Variants in DSCAM observed in about 807,000 individuals in gnomAD.
The protein encoded by DSCAM is DS cell adhesion molecule, also known as cell adhesion molecule DSCAM.
A neutral mutation model predicts 217.7 loss-of-function variants in DSCAM; 47 were observed. The observed-to-expected ratio is 0.22, with a 90% CI of 0.17 to 0.28. The LOEUF is 0.28. Ranked by LOEUF, DSCAM falls within the 10% of genes least tolerant of loss-of-function variation. The pLI, the probability that DSCAM is intolerant of heterozygous loss-of-function variation, is 1.00. For missense variants in DSCAM, 2,080 were observed against 2,618.3 expected (o/e 0.79, Z 4.49); for synonymous variants, 1,056 against 1,015.3 (o/e 1.04, Z -0.76).
chr21:40,187,929 T>C lies in DSCAM; in HGVS notation c.2612A>G (p.Tyr871Cys), dbSNP rs761606984. ...GFFSCHAINS[Y>C]GEDRGIIQLT... is the part of the protein sequence containing the mutation. Reference sequence around the variant, plus strand: ...CTGAATTATTCCACGGTCCTCCCCATAAGAATTAATAGCATGGCAGGAAAA... The same window carrying C: ...CTGAATTATTCCACGGTCCTCCCCACAAGAATTAATAGCATGGCAGGAAAA... Residue 871 changes from tyrosine to cysteine, a missense_variant, in exon 13 of 33, where the codon TAT becomes TGT. By Grantham distance (194) the Tyr-to-Cys change is radical. Transcript: ENST00000400454. 1.9e-6 allele frequency: 3 copies of C among 1,613,992 alleles called. No individual in the cohort carries two copies. The African/African-American group carries it at 4.0e-5, about 22-fold the overall frequency.
At chr21:40,282,573 A>C (rs2073775748) in intron 10 of DSCAM, among the ~76,000 whole-genome samples, 1 of 142,258 alleles carries the variant, frequency 7.0e-6, no homozygotes, top group African/African-American at 2.5e-5. Flanking sequence ...CCTGGGCGAA[A>C]GAGCGAGACT....
chr21:40,053,406 G>A (rs570266325), intron 29 of DSCAM, among the ~76,000 whole-genome samples: 1 of 152,174 alleles, frequency 6.6e-6, no homozygotes, highest in Non-Finnish European at 1.5e-5. Context: ...GACCCAGCAC[G>A]AGAGGCTCCG....
At chr21:40,062,676 C>T (rs1287316186) in intron 28 of DSCAM, among the ~76,000 whole-genome samples, 193 bp downstream of exon 28, 1 of 151,912 alleles carries the variant, frequency 6.6e-6, no homozygotes, top group Non-Finnish European at 1.5e-5. Flanking sequence ...TCTACAAATA[C>T]ATCATTTTCA....
chr21:40,525,477 G>C (rs954056501), intron 3 of DSCAM, among the ~76,000 whole-genome samples: 2 of 152,168 alleles, frequency 1.3e-5, no homozygotes, highest in Admixed American at 6.5e-5. Context: ...TTGTGTTACA[G>C]ATCTCCAATG....
At chr21:40,315,857 G>A (rs982379335) in intron 8 of DSCAM, among the ~76,000 whole-genome samples, 4 of 152,114 alleles carry the variant, frequency 2.6e-5, no homozygotes, top group African/African-American at 9.7e-5. Flanking sequence ...GGGAGTTCAG[G>A]CATATTGAAG....
chr21:40,040,150 T>A (rs1452036328), intron 32 of DSCAM, among the ~76,000 whole-genome samples: 3 of 152,236 alleles, frequency 2.0e-5, no homozygotes, highest in African/African-American at 4.8e-5. Flanking sequence ...TCAGTAATAA[T>A]GCAGTCATCT....
intron 3 of DSCAM, among the ~76,000 whole-genome samples, chr21:40,533,265 T>C (rs1037529126): frequency 1.3e-5 from 2 of 152,242 alleles, no homozygotes; most frequent in African/African-American, 2.4e-5. Flanking sequence ...TGAATGCATG[T>C]AAGAATAATT....
At position 40,144,840 on chromosome 21, in the gene DSCAM, C is replaced by T. The variant is rs1421133354; in HGVS notation, c.3019-109G>A. On this transcript the variant is annotated intron_variant, in intron 16 of 32. Transcript: ENST00000400454. The surrounding 1 kb of genome is among the most constrained non-coding windows in gnomAD (Gnocchi z 4.8). ...CAGAAATAAAGTGGAGTCATCGCCA[C>T]GATGCTGGGGCGGTGGTCCGGTAGC... The T allele has an allele frequency of 4.0e-6, 6 of 1,486,822 alleles. No individual in the cohort carries two copies. The South Asian group carries it at 5.1e-5, about 13-fold the overall frequency. The allele number at this position is 1,486,822 out of a possible 1,614,324, so 92.1% of individuals were successfully genotyped here. A position where few individuals can be genotyped will look rare whatever the true frequency, so the allele number is the denominator to read the frequency against.
At chr21:40,018,135 C>CAA (rs377009087) in intron 32 of DSCAM, among the ~76,000 whole-genome samples, 20 of 151,648 alleles carry the variant, frequency 1.3e-4, no homozygotes, top group Non-Finnish European at 2.7e-4. Flanking sequence ...GGATTATTTG[C>CAA]AAAAAAAGTG....
intron 16 of DSCAM, among the ~76,000 whole-genome samples, chr21:40,153,026 C>T (rs2090440461): frequency 6.6e-6 from 1 of 152,228 alleles, no homozygotes; most frequent in Non-Finnish European, 1.5e-5. Context: ...ATGAATTGAA[C>T]ATTTTCTTTA....
intron 8 of DSCAM, among the ~76,000 whole-genome samples, chr21:40,312,944 T>C (rs2074155405): frequency 6.6e-6 from 1 of 151,700 alleles, no homozygotes; most frequent in South Asian, 2.1e-4. Flanking sequence ...GGGACCCCCA[T>C]ATCTACAACA....
intron 3 of DSCAM, among the ~76,000 whole-genome samples, chr21:40,379,061 G>A (rs1325614033): frequency 3.3e-5 from 5 of 152,154 alleles, no homozygotes; most frequent in Admixed American, 2.0e-4. Context: ...ATAACAATCT[G>A]TAATGTTATG....
chr21:40,836,249 G>A (rs2092055188), intron 1 of DSCAM, among the ~76,000 whole-genome samples: 1 of 152,198 alleles, frequency 6.6e-6, no homozygotes, highest in African/African-American at 2.4e-5. Context: ...TGGGACTCCA[G>A]CTGCTATCGA....
intron 3 of DSCAM, among the ~76,000 whole-genome samples, chr21:40,398,710 C>T (rs1323636865): frequency 1.3e-5 from 2 of 148,732 alleles, no homozygotes; most frequent in Admixed American, 6.8e-5. Flanking sequence ...TCTCAGTTCA[C>T]TGCAACCTCC....
chr21:40,683,424 C>G (rs138458171), intron 3 of DSCAM, among the ~76,000 whole-genome samples: 10 of 150,182 alleles, frequency 6.7e-5, no homozygotes, highest in African/African-American at 2.0e-4. Flanking sequence ...GAGTGTGTGA[C>G]AGAGAGAGAG....
At chr21:40,135,627 C>G (rs2146694674) in intron 18 of DSCAM, among the ~76,000 whole-genome samples, 1 of 152,298 alleles carries the variant, frequency 6.6e-6, no homozygotes, top group South Asian at 2.1e-4. Flanking sequence ...CTTGGTTTTC[C>G]TTCCTGCTCA....
intron 3 of DSCAM, among the ~76,000 whole-genome samples, chr21:40,679,787 T>C (rs1601843992): frequency 1.3e-5 from 2 of 152,342 alleles, no homozygotes; most frequent in Non-Finnish European, 2.9e-5. Context: ...AGACTATTAG[T>C]TCAATAGCAT....
At chr21:40,577,852 G>A (rs1286991237) in intron 3 of DSCAM, among the ~76,000 whole-genome samples, 2 of 152,100 alleles carry the variant, frequency 1.3e-5, no homozygotes, top group East Asian at 1.9e-4. Context: ...TCAATCAGAC[G>A]AAATCCTGGG....
At chr21:40,689,766 T>C (rs1292878836) in intron 3 of DSCAM, among the ~76,000 whole-genome samples, 1 of 152,194 alleles carries the variant, frequency 6.6e-6, no homozygotes, top group Admixed American at 6.5e-5. Flanking sequence ...CCAAACTAGC[T>C]CGCAGGAGTT....
Sources: allele counts gnomAD v4.1 joint callset (sites outside exome capture counted in the v4.1 genomes callset), GRCh38; gene constraint gnomAD v4.1.1; non-coding constraint Gnocchi (gnomAD v3.1); transcripts MANE v1.5; gene names NCBI Gene and HGNC (gene_info 2026-07-23, HGNC 2026-07-21).